Variants in PKNOX2 observed in about 807,000 individuals in gnomAD.
PKNOX2 encodes the protein PBX/knotted 1 homeobox 2.
Under a neutral mutation model 53.1 loss-of-function variants are expected in PKNOX2, and 14 were observed. The ratio of observed to expected loss-of-function variants is 0.26; its 90% CI spans 0.17 to 0.41. The LOEUF (loss-of-function observed/expected upper bound fraction) is 0.41, where lower values mean the gene tolerates loss of function less well. Ranked by LOEUF, PKNOX2 falls within the 10% of genes least tolerant of loss-of-function variation. PKNOX2 has a pLI of 1.00. For synonymous variants in PKNOX2, 257 were observed against 242.8 expected, an observed-to-expected ratio of 1.06 and a Z score of -0.54; for missense variants, 496 against 602.8, an observed-to-expected ratio of 0.82 and a Z score of 1.85.
intron 1 of PKNOX2, among the ~76,000 whole-genome samples, chr11:125,205,236 T>G (rs555362274): frequency 2.0e-5 from 3 of 152,198 alleles, no homozygotes; most frequent in African/African-American, 4.8e-5. Context: ...TGGTACATAG[T>G]GGGGCTGGAC....
intron 2 of PKNOX2, among the ~76,000 whole-genome samples, chr11:125,288,504 G>A (rs1364462287): frequency 3.3e-5 from 5 of 152,232 alleles, no homozygotes; most frequent in African/African-American, 9.6e-5. Flanking sequence ...AGCTCCCAGC[G>A]ACAGCTTGTT....
chr11:125,243,934 C>G (rs1943365590), intron 2 of PKNOX2, among the ~76,000 whole-genome samples: 1 of 152,128 alleles, frequency 6.6e-6, no homozygotes, highest in Non-Finnish European at 1.5e-5. Flanking sequence ...TACCTGGGAC[C>G]CTTAAAGCCT....
intron 1 of PKNOX2, among the ~76,000 whole-genome samples, chr11:125,187,796 G>A (rs995541458): frequency 2.0e-5 from 3 of 152,164 alleles, no homozygotes; most frequent in African/African-American, 7.2e-5. Flanking sequence ...GATGTTAGCT[G>A]TCTACCACCC....
At chr11:125,427,450 A>G (rs940232212) in intron 10 of PKNOX2, among the ~76,000 whole-genome samples, 1 of 152,224 alleles carries the variant, frequency 6.6e-6, no homozygotes, top group East Asian at 1.9e-4. Flanking sequence ...TCCACCGATA[A>G]TGCGAGTACC....
At chr11:125,338,058 C>T (rs1364978280) in intron 3 of PKNOX2, among the ~76,000 whole-genome samples, 4 of 152,212 alleles carry the variant, frequency 2.6e-5, no homozygotes, top group Non-Finnish European at 5.9e-5. Context: ...AGGTCAGCCG[C>T]AGCAGCTGGC....
Position 125,165,630 on chromosome 11 carries a change from C to G in PKNOX2, c.-201+854C>G, listed in dbSNP as rs1954809863. ...CGGCGGGGCCCGGGAAGCCAGGATC[C>G]GAGGGGCTACACGCACGGACCCTCA... On this transcript the variant is annotated intron_variant, in intron 1 of 12. Coordinates refer to ENST00000298282, the MANE Select transcript of PKNOX2 (RefSeq NM_001382323.2). The surrounding 1 kb of genome is among the most constrained non-coding windows in gnomAD (Gnocchi z 4.5). 6.6e-6 allele frequency among the ~76,000 whole-genome samples: 1 copy of G among 152,134 alleles called. No individual in the cohort carries two copies. The highest frequency in any genetic ancestry group is 2.4e-5 in the African/African-American group (1 of 41,440).
intron 1 of PKNOX2, among the ~76,000 whole-genome samples, chr11:125,232,083 T>G (rs967382838): frequency 1.3e-5 from 2 of 152,238 alleles, no homozygotes; most frequent in East Asian, 1.9e-4. Flanking sequence ...TATGTTGAAC[T>G]GCAGATTGGC....
chr11:125,213,658 A>G (rs1157722834), intron 1 of PKNOX2, among the ~76,000 whole-genome samples: 4 of 152,064 alleles, frequency 2.6e-5, no homozygotes, highest in African/African-American at 7.2e-5. Flanking sequence ...AGGCCTCCCT[A>G]TGTTGCCCAG....
chr11:125,378,055 T>C lies in PKNOX2; in HGVS notation c.228-7496T>C, dbSNP rs186032610. 3.0e-4 allele frequency among the ~76,000 whole-genome samples: 46 copies of C among 152,320 alleles called. 1 individual carries two copies. Among genetic ancestry groups the C allele is most frequent in the African/African-American group, 1.0e-3 (43 of 41,582 alleles). On this transcript the variant is annotated intron_variant, in intron 5 of 12. Transcript: ENST00000298282. ...TTGTGGACCATCTGCGGTAAACAGA[T>C]GCCCCAGGAAGGGGTTAGGGGTCTG... is the stretch of plus-strand genomic sequence containing the variant.
chr11:125,299,091 A>AG (rs1947856343), intron 2 of PKNOX2, among the ~76,000 whole-genome samples: 1 of 152,052 alleles, frequency 6.6e-6, no homozygotes, highest in Non-Finnish European at 1.5e-5. Flanking sequence ...TGGAAGGCAA[A>AG]GGGGGAGCAG....
chr11:125,348,624 C>T (rs1194094993), intron 3 of PKNOX2, among the ~76,000 whole-genome samples: 1 of 152,238 alleles, frequency 6.6e-6, no homozygotes, highest in Non-Finnish European at 1.5e-5. Context: ...TACTCTTAAC[C>T]TCCCCTCCTT....
intron 2 of PKNOX2, among the ~76,000 whole-genome samples, chr11:125,251,376 G>A (rs1194368548): frequency 6.6e-6 from 1 of 152,180 alleles, no homozygotes; most frequent in Non-Finnish European, 1.5e-5. Flanking sequence ...TGGAAGATGA[G>A]AGTCTCACTT....
chr11:125,341,049 CAAA>C (rs58556639), intron 3 of PKNOX2, among the ~76,000 whole-genome samples: 234 of 46,060 alleles, frequency 5.1e-3, no homozygotes, highest in African/African-American at 0.015. Context: ...GACTCCATCT[CAAA>C]AAAAAAAAAA....
chr11:125,227,958 C>T (rs942668324), intron 1 of PKNOX2, among the ~76,000 whole-genome samples: 1 of 152,136 alleles, frequency 6.6e-6, no homozygotes, highest in Admixed American at 6.5e-5. Context: ...CTCAGGAGGC[C>T]CCCTGCTGCC....
At chr11:125,353,703 G>A (rs1951438434) in intron 4 of PKNOX2, among the ~76,000 whole-genome samples, 1 of 152,240 alleles carries the variant, frequency 6.6e-6, no homozygotes, top group Admixed American at 6.5e-5. Context: ...CCCTGGGGAA[G>A]CTGCCATCTA....
At chr11:125,226,697 T>C (rs1941724411) in intron 1 of PKNOX2, among the ~76,000 whole-genome samples, 1 of 152,060 alleles carries the variant, frequency 6.6e-6, no homozygotes, top group Non-Finnish European at 1.5e-5. Context: ...TACACCTAGA[T>C]GGTACAACTA....
In PKNOX2 at chr11:125,289,168, C is replaced by T. The variant is rs139229571; in HGVS notation, c.-129-42651C>T. Among the ~76,000 whole-genome samples, 301 of 152,254 alleles carry T rather than the reference C, an allele frequency of 2.0e-3. 4 individuals carry two copies. The highest frequency in any genetic ancestry group is 6.9e-3 in the African/African-American group (285 of 41,544). ...CCTTCAAGCGGAACCCATAGCAGAC[C>T]GGGGCCCTGCTGACCAGGGGAAATC... On this transcript the variant is annotated intron_variant, in intron 2 of 12. Transcript: ENST00000298282.
intron 2 of PKNOX2, among the ~76,000 whole-genome samples, chr11:125,256,858 G>A (rs1944440892): frequency 6.6e-6 from 1 of 152,212 alleles, no homozygotes; most frequent in Non-Finnish European, 1.5e-5. Flanking sequence ...TTCCGTTGCA[G>A]CCGCCTCTGT....
chr11:125,351,460 G>T, intron 4 of PKNOX2, 68 bp downstream of exon 4: 2 of 1,038,476 alleles, frequency 1.9e-6, no homozygotes, highest in South Asian at 2.8e-5. Context: ...AGCCCCAGCT[G>T]CAGGCTGGGA....
Sources: allele counts gnomAD v4.1 joint callset (sites outside exome capture counted in the v4.1 genomes callset), GRCh38; gene constraint gnomAD v4.1.1; non-coding constraint Gnocchi (gnomAD v3.1); transcripts MANE v1.5; gene names NCBI Gene and HGNC (gene_info 2026-07-23, HGNC 2026-07-21).